Variants in RBFOX1 observed in about 807,000 individuals in gnomAD.
The protein encoded by RBFOX1 is RNA binding protein fox-1 homolog 1.
Under a neutral mutation model 57.7 loss-of-function variants are expected in RBFOX1, and 8 were observed. The ratio of observed to expected loss-of-function variants is 0.14; its 90% CI spans 0.08 to 0.25. RBFOX1 has a LOEUF of 0.25. Among genes scored for constraint, RBFOX1 ranks in the 10% least tolerant of loss-of-function variants. The probability of loss-of-function intolerance (pLI) is 1.00; values close to 1 mark genes in which losing one functional copy is unlikely to be tolerated. For synonymous variants in RBFOX1, 326 were observed against 222.4 expected, an observed-to-expected ratio of 1.47 and a Z score of -4.15; for missense variants, 611 against 548.5, an observed-to-expected ratio of 1.11 and a Z score of -1.14.
chr16:7,169,935 T>A (rs1238570364), intron 4 of RBFOX1, among the ~76,000 whole-genome samples: 4 of 152,088 alleles, frequency 2.6e-5, no homozygotes, highest in Non-Finnish European at 5.9e-5. Context: ...TAGCTGGGCA[T>A]GGTGACACAC....
At chr16:6,602,061 C>T (rs1303965051) in intron 2 of RBFOX1, among the ~76,000 whole-genome samples, 1 of 152,086 alleles carries the variant, frequency 6.6e-6, no homozygotes, top group East Asian at 1.9e-4. Context: ...TATTTCTCTC[C>T]TTTCCCTCCA....
chr16:6,836,322 C>G (rs939883957), intron 3 of RBFOX1, among the ~76,000 whole-genome samples: 5 of 151,280 alleles, frequency 3.3e-5, no homozygotes, highest in Non-Finnish European at 5.9e-5. Context: ...TTGAATTACT[C>G]CAAAGAAAGA....
At chr16:6,630,100 C>T (rs928174299) in intron 2 of RBFOX1, among the ~76,000 whole-genome samples, 1 of 151,960 alleles carries the variant, frequency 6.6e-6, no homozygotes, top group African/African-American at 2.4e-5. Context: ...CCTCCTTGGT[C>T]TAAGCTTCTG....
In RBFOX1 at chr16:6,819,598, G is replaced by C. The variant is rs554155708; in HGVS notation, c.-16+164948G>C. On this transcript the variant is annotated intron_variant, in intron 3 of 15. Coordinates refer to ENST00000550418, the MANE Select transcript of RBFOX1 (RefSeq NM_018723.4). ...TGTATGCCTGTAATCCCAGCTACTCGGGAGGCTGAGGCAGGAGAATTGCTT... is the reference window on the plus strand; with the variant it reads ...TGTATGCCTGTAATCCCAGCTACTCCGGAGGCTGAGGCAGGAGAATTGCTT... Among the ~76,000 whole-genome samples, 196 of 151,420 alleles carry C rather than the reference G, an allele frequency of 1.3e-3. 2 individuals carry two copies. The highest frequency in any genetic ancestry group is 3.2e-3 in the Admixed American group (49 of 15,194).
chr16:7,666,400 T>G (rs1023253684), intron 13 of RBFOX1, among the ~76,000 whole-genome samples: 1 of 143,200 alleles, frequency 7.0e-6, no homozygotes, highest in Non-Finnish European at 1.5e-5. Context: ...AAAAAAAAAA[T>G]GCAGATTTTC....
At chr16:7,409,668 A>G (rs1165384117) in intron 4 of RBFOX1, among the ~76,000 whole-genome samples, 2 of 152,168 alleles carry the variant, frequency 1.3e-5, no homozygotes, top group Non-Finnish European at 1.5e-5. Flanking sequence ...TATAGGCCAG[A>G]CCTTCTATCC....
intron 3 of RBFOX1, among the ~76,000 whole-genome samples, chr16:6,820,639 A>G (rs1354798903): frequency 1.3e-5 from 2 of 151,416 alleles, no homozygotes; most frequent in East Asian, 3.9e-4. Context: ...AGCCTGAGTG[A>G]CAGAGCAAGA....
chr16:7,391,708 G>A (rs1207290903), intron 4 of RBFOX1, among the ~76,000 whole-genome samples: 1 of 152,192 alleles, frequency 6.6e-6, no homozygotes, highest in Admixed American at 6.5e-5. Flanking sequence ...TGCAGATGAG[G>A]ACCAAATGTG....
At chr16:7,501,941 C>A (rs1385667692) in intron 4 of RBFOX1, among the ~76,000 whole-genome samples, 2 of 152,126 alleles carry the variant, frequency 1.3e-5, no homozygotes, top group African/African-American at 4.8e-5. Context: ...TAGCACAGTC[C>A]CTGACATCCA....
Position 6,876,801 on chromosome 16 carries a change from G to C in RBFOX1, c.-15-175256G>C, listed in dbSNP as rs79922348. On this transcript the variant is annotated intron_variant, in intron 3 of 15. Transcript: ENST00000550418. ...CATTACAAGAAAACATGAAATAACTGTATCTGCTAAAACTGACCGAAAGAT... is the reference window on the plus strand; with the variant it reads ...CATTACAAGAAAACATGAAATAACTCTATCTGCTAAAACTGACCGAAAGAT... 5.8e-3 allele frequency among the ~76,000 whole-genome samples: 882 copies of C among 152,206 alleles called. 14 individuals are homozygous for C. Among genetic ancestry groups the C allele is most frequent in the African/African-American group, 0.02 (833 of 41,536 alleles).
At chr16:7,140,348 C>T (rs1012876249) in intron 4 of RBFOX1, among the ~76,000 whole-genome samples, 17 of 148,958 alleles carry the variant, frequency 1.1e-4, no homozygotes, top group Admixed American at 8.1e-4. Flanking sequence ...TTTCTTTTCC[C>T]CACTCTGAGT....
At chr16:6,879,761 G>C (rs1031400366) in intron 3 of RBFOX1, among the ~76,000 whole-genome samples, 1 of 152,098 alleles carries the variant, frequency 6.6e-6, no homozygotes, top group African/African-American at 2.4e-5. Flanking sequence ...GTTCCTGGCT[G>C]TTACTAACCC....
At chr16:6,306,155 C>G (rs2079488278) in intron 1 of RBFOX1, among the ~76,000 whole-genome samples, 2 of 152,168 alleles carry the variant, frequency 1.3e-5, no homozygotes, top group Admixed American at 6.5e-5. Flanking sequence ...GTGGGAGAGA[C>G]AGGTACTAAT....
intron 4 of RBFOX1, among the ~76,000 whole-genome samples, chr16:7,388,221 C>T (rs534139188): frequency 1.3e-5 from 2 of 152,232 alleles, no homozygotes; most frequent in East Asian, 1.9e-4. Flanking sequence ...TCTACAGACA[C>T]ACAAGGTTGG....
At chr16:6,606,057 C>T (rs761551315) in intron 2 of RBFOX1, among the ~76,000 whole-genome samples, 3 of 151,796 alleles carry the variant, frequency 2.0e-5, no homozygotes, top group South Asian at 4.2e-4. Context: ...TGCAATGAGC[C>T]GAGATCACGC....
intron 2 of RBFOX1, among the ~76,000 whole-genome samples, chr16:6,547,342 A>C (rs747338462): frequency 5.3e-5 from 8 of 152,198 alleles, no homozygotes; most frequent in African/African-American, 1.9e-4. Flanking sequence ...CTTATTTTCT[A>C]TACAAATGAT....
intron 3 of RBFOX1, among the ~76,000 whole-genome samples, chr16:5,657,676 T>TTTTCTTTCTTTC (rs199946037): frequency 1.5e-5 from 1 of 64,810 alleles, no homozygotes; most frequent in Non-Finnish European, 3.1e-5. Flanking sequence ...CTTTCTTTTC[T>TTTTCTTTCTTTC]TTTCTTTCTT....
intron 4 of RBFOX1, among the ~76,000 whole-genome samples, chr16:7,359,625 A>G (rs1424042965): frequency 2.0e-5 from 3 of 152,148 alleles, no homozygotes; most frequent in African/African-American, 4.8e-5. Flanking sequence ...CCTGTCCACA[A>G]TGGCTTGCTG....
intron 5 of RBFOX1, among the ~76,000 whole-genome samples, chr16:7,546,381 T>A (rs1016464769): frequency 1.4e-5 from 2 of 148,116 alleles, no homozygotes; most frequent in African/African-American, 5.2e-5. Flanking sequence ...AATAAAATAA[T>A]AAAATAAAAT....
Sources: gnomAD v4.1 joint callset for allele counts (sites outside exome capture counted in the v4.1 genomes callset) on GRCh38, gnomAD v4.1.1 for gene constraint, MANE v1.5 for transcripts, NCBI Gene and HGNC (gene_info 2026-07-23, HGNC 2026-07-21) for gene names.